Variants in ZNF560 observed in about 807,000 individuals in gnomAD.
ZNF560 encodes the protein zinc finger protein 560.
Under a neutral mutation model 81.8 loss-of-function variants are expected in ZNF560, and 54 were observed. The observed-to-expected ratio is 0.66, with a 90% confidence interval of 0.53 to 0.83. The LOEUF (loss-of-function observed/expected upper bound fraction) is 0.83, where lower values mean the gene tolerates loss of function less well. Ranked by LOEUF, ZNF560 falls within the 40% of genes least tolerant of loss-of-function variation. The pLI is 0.00. For missense variants in ZNF560, 940 were observed against 932.4 expected (o/e 1.01, Z -0.11); for synonymous variants, 321 against 317.9 (o/e 1.01, Z -0.10).
In ZNF560 at chr19:9,466,748, A is replaced by G. The variant is rs1284740455; in HGVS notation, c.2199T>C (p.Ile733=). The change falls in exon 10 of 10, where the codon ATT becomes ATC. Residue 733 remains isoleucine, a synonymous_variant. Coordinates refer to ENST00000301480, the MANE Select transcript of ZNF560 (RefSeq NM_152476.3). ...CHSDLTNHVR[I]HTGEKPYKCK... ...ATTTATAGGGCTTCTCTCCAGTGTGAATTCGCACATGATTAGTAAGATCTG... is the reference window on the plus strand; with the variant it reads ...ATTTATAGGGCTTCTCTCCAGTGTGGATTCGCACATGATTAGTAAGATCTG... 1 of 1,613,742 alleles carries G rather than the reference A, an allele frequency of 6.2e-7. No individual in the cohort carries two copies. The highest frequency in any genetic ancestry group is 1.3e-5 in the African/African-American group (1 of 74,822).
chr19:9,452,962 A>AG, the ZNF560 span, among the ~76,000 whole-genome samples: 2 of 152,322 alleles, frequency 1.3e-5, no homozygotes, highest in East Asian at 3.9e-4. Flanking sequence ...CTAACAAAAT[A>AG]GAACACTATA....
At chr19:9,496,173 C>G (rs560170690) in intron 2 of ZNF560, among the ~76,000 whole-genome samples, 4 of 151,894 alleles carry the variant, frequency 2.6e-5, no homozygotes, top group African/African-American at 9.7e-5. Flanking sequence ...GGAACGTTGC[C>G]GGGGAACAAG....
chr19:9,449,705 A>C, the ZNF560 span, among the ~76,000 whole-genome samples: 1 of 152,222 alleles, frequency 6.6e-6, no homozygotes, highest in Non-Finnish European at 1.5e-5. Flanking sequence ...ACAGTGGCTC[A>C]TGCCTGTAAT....
upstream of ZNF560, among the ~76,000 whole-genome samples, chr19:9,502,557 A>T (rs2144740445): frequency 1.3e-5 from 2 of 152,208 alleles, no homozygotes; most frequent in African/African-American, 4.8e-5. Context: ...GGTGTTGATT[A>T]CTCTTTAAAT....
downstream of ZNF560, among the ~76,000 whole-genome samples, chr19:9,461,385 C>T (rs2072929178): frequency 6.6e-6 from 1 of 152,092 alleles, no homozygotes. Flanking sequence ...CGAAGCTTTC[C>T]CATCCTTGGG....
intron 2 of ZNF560, among the ~76,000 whole-genome samples, chr19:9,479,621 T>C (rs1021975961): frequency 1.3e-5 from 2 of 152,110 alleles, no homozygotes; most frequent in African/African-American, 2.4e-5. Flanking sequence ...AGATTCAACC[T>C]GCCATGGATT....
chr19:9,500,692 CCTCCCAAGTAGGTGGGCA>C (rs1458313297), upstream of ZNF560, among the ~76,000 whole-genome samples: 4 of 151,870 alleles, frequency 2.6e-5, no homozygotes, highest in South Asian at 2.1e-4. Context: ...TCTGCCTCAG[CCTCCCAAGTAGGTGGGCA>C]CTCCCAAGTG....
chr19:9,487,865 A>G (rs1363796380), intron 2 of ZNF560, among the ~76,000 whole-genome samples: 1 of 152,210 alleles, frequency 6.6e-6, no homozygotes, highest in Non-Finnish European at 1.5e-5. Flanking sequence ...TTTAAAATGT[A>G]CAATGTATTC....
chr19:9,501,747 C>A (rs1210444427), upstream of ZNF560, among the ~76,000 whole-genome samples: 1 of 151,906 alleles, frequency 6.6e-6, no homozygotes, highest in Non-Finnish European at 1.5e-5. Context: ...AATCTGACCA[C>A]CCTGGGCCTC....
Position 9,467,612 on chromosome 19 carries a change from T to G in ZNF560, c.1335A>C (p.Pro445=), listed in dbSNP as rs75204366. The G allele has an allele frequency of 2.2e-5, 35 of 1,613,874 alleles. No individual in the cohort carries two copies. The highest frequency in any genetic ancestry group is 3.0e-5 in the Non-Finnish European group (35 of 1,179,988). The stretch of plus-strand genomic sequence containing the variant: ...GAACTCTCAAATGTCCAAAAAGAGA[T>G]GGGTAAGAAATAAAGGCTTTCCCAC... The part of the protein sequence containing the change: ...DHCGKAFISY[P]SLFGHLRVHN... The change falls in exon 10 of 10, where the codon CCA becomes CCC. Residue 445 remains proline (P), a synonymous_variant. Coordinates refer to ENST00000301480, the MANE Select transcript of ZNF560 (RefSeq NM_152476.3).
At chr19:9,461,513 TGCTGCAGTA>T (rs755882119), downstream of ZNF560, among the ~76,000 whole-genome samples, 12 of 152,222 alleles carry the variant, frequency 7.9e-5, no homozygotes, top group Non-Finnish European at 1.3e-4. Context: ...TCACAGCTAC[TGCTGCAGTA>T]GCTGGAGTGG....
intron 2 of ZNF560, among the ~76,000 whole-genome samples, chr19:9,475,670 G>A (rs190185416): frequency 3.1e-4 from 46 of 150,250 alleles, no homozygotes; most frequent in East Asian, 1.8e-3. Context: ...GCAGTGGCAC[G>A]ATCTCGGCTC....
At chr19:9,501,863 T>C (rs1416364063), upstream of ZNF560, among the ~76,000 whole-genome samples, 1 of 151,898 alleles carries the variant, frequency 6.6e-6, no homozygotes, top group African/African-American at 2.4e-5. Flanking sequence ...TTAGAAAGTG[T>C]TCTCTCTGGC....
chr19:9,459,370 A>G, the ZNF560 span, among the ~76,000 whole-genome samples: 1,053 of 152,348 alleles, frequency 6.9e-3, 8 homozygotes, highest in Admixed American at 0.011. Context: ...GGACCCAATA[A>G]CAAAAGATTG....
chr19:9,475,401 C>A, intron 2 of ZNF560, 32 bp from the exon 3 acceptor site: 2 of 1,312,882 alleles, frequency 1.5e-6, no homozygotes, highest in Non-Finnish European at 2.2e-6. Flanking sequence ...AGAGCCCAGA[C>A]ATAATCACAG....
chr19:9,449,392 G>T, the ZNF560 span, among the ~76,000 whole-genome samples: 1 of 152,114 alleles, frequency 6.6e-6, no homozygotes, highest in Non-Finnish European at 1.5e-5. Context: ...ACTTGCTTCT[G>T]AATGACTTTT....
At chr19:9,465,174 A>G (rs2144679615), downstream of ZNF560, among the ~76,000 whole-genome samples, 1 of 136,948 alleles carries the variant, frequency 7.3e-6, no homozygotes, top group African/African-American at 2.8e-5. Context: ...CTCAGTCGCC[A>G]GGCTGGAGTG....
chr19:9,476,698 G>C (rs1299311961), intron 2 of ZNF560, among the ~76,000 whole-genome samples: 1 of 152,178 alleles, frequency 6.6e-6, no homozygotes, highest in Non-Finnish European at 1.5e-5. Context: ...CTGTGAAGAG[G>C]TGCCTTCTGC....
At chr19:9,450,966 A>C in the ZNF560 span, among the ~76,000 whole-genome samples, 1 of 152,216 alleles carries the variant, frequency 6.6e-6, no homozygotes, top group South Asian at 2.1e-4. Context: ...GAACTACAAA[A>C]CAACACTGCT....
Sources: allele counts gnomAD v4.1 joint callset (sites outside exome capture counted in the v4.1 genomes callset), GRCh38; gene constraint gnomAD v4.1.1; transcripts MANE v1.5; gene names NCBI Gene and HGNC (gene_info 2026-07-23, HGNC 2026-07-21).